PITRM1: variants seen among roughly 807,000 people sequenced by gnomAD.
PITRM1 encodes pitrilysin metallopeptidase 1, also known as presequence protease, mitochondrial.
Under a neutral mutation model 129.9 loss-of-function variants are expected in PITRM1, and 100 were observed. The observed-to-expected ratio is 0.77, with a 90% CI of 0.65 to 0.91. PITRM1 has a LOEUF of 0.91. Among genes scored for constraint, PITRM1 ranks in the 40% least tolerant of loss-of-function variants. The pLI, the probability that PITRM1 is intolerant of heterozygous loss-of-function variation, is 0.00. For synonymous variants in PITRM1, 591 were observed against 508.8 expected (o/e 1.16, Z -2.17); for missense variants, 1,471 against 1,318.3 (o/e 1.12, Z -1.79).
At chr10:3,165,758 T>C (rs1169521646) in intron 4 of PITRM1, among the ~76,000 whole-genome samples, 1 of 152,162 alleles carries the variant, frequency 6.6e-6, no homozygotes, top group African/African-American at 2.4e-5. Context: ...GCACCAGGGC[T>C]TTCTTCAGCG....
chr10:3,160,392 G>A (rs991476414), intron 7 of PITRM1, 62 bp from the exon 8 acceptor site: 7 of 1,382,348 alleles, frequency 5.1e-6, no homozygotes, highest in Middle Eastern at 1.9e-4. Context: ...ATCAAGTGCT[G>A]TCTGTTTCAC....
chr10:3,169,478 T>C (rs918938706), intron 2 of PITRM1, among the ~76,000 whole-genome samples: 4 of 152,352 alleles, frequency 2.6e-5, no homozygotes, highest in Admixed American at 2.0e-4. Flanking sequence ...TTCTAGACAG[T>C]AAGCTGTTTG....
In PITRM1 at chr10:3,172,172, G is replaced by C. The variant is rs141945002; in HGVS notation, c.56+545C>G. The stretch of plus-strand genomic sequence containing the variant: ...CCTCCCGGCCTGGGCCGGCAGCGCT[G>C]AACTATTACCTTATATTAAACACGG... On this transcript the variant is annotated intron_variant, in intron 1 of 26. Transcript: ENST00000224949. 5.1e-3 allele frequency: 2,320 copies of C among 456,254 alleles called. 16 individuals are homozygous for C. The highest frequency in any genetic ancestry group is 0.02 in the Middle Eastern group (56 of 2,758). The allele number at this position is 456,254 out of a possible 1,614,324, so 28.3% of individuals were successfully genotyped here. A position where few individuals can be genotyped will look rare whatever the true frequency, so the allele number is the denominator to read the frequency against.
At chr10:3,155,503 T>C in intron 14 of PITRM1, 88 bp downstream of exon 14, 2 of 1,524,010 alleles carry the variant, frequency 1.3e-6, no homozygotes, top group Non-Finnish European at 1.8e-6. Context: ...GTTGAAATAA[T>C]ACCTGCCTCC....
chr10:3,144,633 T>C (rs1057440124), intron 21 of PITRM1, among the ~76,000 whole-genome samples: 1 of 151,998 alleles, frequency 6.6e-6, no homozygotes, highest in Non-Finnish European at 1.5e-5. Flanking sequence ...TGAGCTCCCA[T>C]CTCAACAAAA....
chr10:3,169,859 G>A (rs748077783), intron 2 of PITRM1, among the ~76,000 whole-genome samples: 3 of 152,216 alleles, frequency 2.0e-5, no homozygotes, highest in Non-Finnish European at 4.4e-5. Flanking sequence ...AGACCCAGCT[G>A]GAAGTGTTAC....
intron 2 of PITRM1, among the ~76,000 whole-genome samples, chr10:3,167,284 A>AGAGAGC (rs542471115): frequency 6.7e-6 from 1 of 148,976 alleles, no homozygotes; most frequent in African/African-American, 2.6e-5. Context: ...AAAGAGAGAG[A>AGAGAGC]GAGCGAGCGA....
intron 22 of PITRM1, 138 bp from the exon 23 acceptor site, chr10:3,143,639 G>A: frequency 1.4e-6 from 1 of 722,700 alleles, no homozygotes; most frequent in East Asian, 2.7e-5. Flanking sequence ...CCATCTCAGG[G>A]GTCCCATCTC....
rs1295949905 is a variant in PITRM1, at chr10:3,162,151, C to A, written c.791+1574G>T. 8.8e-4 allele frequency among the ~76,000 whole-genome samples: 89 copies of A among 101,326 alleles called. 1 individual carries two copies. The highest frequency in any genetic ancestry group is 1.5e-3 in the Non-Finnish European group (72 of 48,652). The allele number at this position is 101,326 out of a possible 152,430, so 66.5% of individuals were successfully genotyped here. A position where few individuals can be genotyped will look rare whatever the true frequency, so the allele number is the denominator to read the frequency against. On this transcript the variant is annotated intron_variant, in intron 7 of 26. Coordinates refer to ENST00000224949, the MANE Select transcript of PITRM1 (RefSeq NM_014889.4). The stretch of plus-strand genomic sequence containing the variant: ...CCAGCCTGGGGGACAGAACCAGACC[C>A]TGTCTTTAAAAAAAAAAAAAAAAAA...
intron 24 of PITRM1, among the ~76,000 whole-genome samples, chr10:3,139,544 C>T (rs765918006): frequency 3.9e-5 from 6 of 152,218 alleles, no homozygotes; most frequent in Admixed American, 6.5e-5. Flanking sequence ...TGCAGAGGGG[C>T]GGCTGTGAGC....
rs546701169 is a variant in PITRM1 at position 3,142,678 on chromosome 10, G to A, written c.2645+711C>T. ...ACTCCCTCGCCCCACGCCACTTTGG[G>A]AACAGGCCTGACCCTGACTCTTGGC... On this transcript the variant is annotated intron_variant, in intron 23 of 26. Transcript: ENST00000224949. Among the ~76,000 whole-genome samples, 5 of 152,348 alleles carry A rather than the reference G, an allele frequency of 3.3e-5. No individual in the cohort carries two copies. The South Asian group carries it at 6.2e-4, about 19-fold the overall frequency.
rs973182452 is a variant in PITRM1, at chr10:3,147,730, A to G, written c.2077T>C (p.Phe693Leu). ...ACCTTGAAGTGCTCCTCTTCTTCAA[A>G]GCACGGGCTATGGAAAAAGGAGAAG... ...LWSEIFNNPC[F>L]EEEEHFKVLV... is the part of the protein sequence containing the mutation. Residue 693 changes from phenylalanine to leucine, a missense_variant, in exon 19 of 27, where the codon TTT (phenylalanine) becomes CTT (leucine). By Grantham distance (22) the Phe-to-Leu change is conservative. Coordinates refer to ENST00000224949, the MANE Select transcript of PITRM1 (RefSeq NM_014889.4). 1 of 1,587,954 alleles carries G rather than the reference A, an allele frequency of 6.3e-7. No homozygotes were observed. The highest frequency in any genetic ancestry group is 8.5e-7 in the Non-Finnish European group (1 of 1,170,026).
chr10:3,150,023 C>T (rs1291838291), intron 15 of PITRM1, among the ~76,000 whole-genome samples: 1 of 152,112 alleles, frequency 6.6e-6, no homozygotes, highest in Non-Finnish European at 1.5e-5. Context: ...GTTACCCAAC[C>T]TCTCCCCGTC....
intron 23 of PITRM1, chr10:3,141,875 G>A (rs1417031753): frequency 4.0e-5 from 9 of 225,930 alleles, no homozygotes; most frequent in Non-Finnish European, 7.4e-5. Flanking sequence ...CACTCGGGTG[G>A]CTGGGGCGCC....
intron 2 of PITRM1, among the ~76,000 whole-genome samples, chr10:3,169,792 T>C (rs894905931): frequency 6.6e-6 from 1 of 152,216 alleles, no homozygotes; most frequent in Admixed American, 6.5e-5. Flanking sequence ...GTCTTCATGC[T>C]CATGCTCAGT....
chr10:3,164,375 T>C (rs1270465565), intron 6 of PITRM1: 1 of 152,410 alleles, frequency 6.6e-6, no homozygotes, highest in Non-Finnish European at 1.5e-5. Flanking sequence ...AGACAGGTTG[T>C]CCAAGTCACA....
At chr10:3,171,623 TAG>T (rs1319169238) in intron 1 of PITRM1, among the ~76,000 whole-genome samples, 2 of 152,196 alleles carry the variant, frequency 1.3e-5, no homozygotes, top group Non-Finnish European at 2.9e-5. Context: ...GTATTTTTAG[TAG>T]AGACAGTTTC....
Position 3,143,827 on chromosome 10 carries a change from T to C in PITRM1, c.2533-326A>G, listed in dbSNP as rs1840535492. On this transcript the variant is annotated intron_variant, in intron 22 of 26. Coordinates refer to ENST00000224949, the MANE Select transcript of PITRM1 (RefSeq NM_014889.4). ...ACGCCGTTTATATCACAGTTACATATTTATATTTCATATCATATTATATCA... is the reference window on the plus strand; with the variant it reads ...ACGCCGTTTATATCACAGTTACATACTTATATTTCATATCATATTATATCA... 27 of 590,978 alleles carry C rather than the reference T, an allele frequency of 4.6e-5. 1 individual carries two copies. Among genetic ancestry groups the C allele is most frequent in the South Asian group, 4.1e-4 (27 of 65,546 alleles). 36.6% of individuals were successfully genotyped at this position (590,978 alleles called of 1,614,324 possible).
intron 7 of PITRM1, 174 bp downstream of exon 7, chr10:3,163,551 T>C (rs1270759013): frequency 7.3e-6 from 4 of 547,360 alleles, no homozygotes; most frequent in Non-Finnish European, 1.3e-5. Context: ...TCATTGTAAA[T>C]GTCCAAAATC....
Sources: gnomAD v4.1 joint callset for allele counts (sites outside exome capture counted in the v4.1 genomes callset) on GRCh38, gnomAD v4.1.1 for gene constraint, MANE v1.5 for transcripts, NCBI Gene and HGNC (gene_info 2026-07-23, HGNC 2026-07-21) for gene names.